The following TENM3 variants were observed in gnomAD, a reference collection of about 807,000 sequenced individuals.
TENM3 encodes teneurin-3.
Under a neutral mutation model 255.1 loss-of-function variants are expected in TENM3, and 63 were observed. The observed-to-expected ratio is 0.25, with a 90% CI of 0.20 to 0.30. TENM3 has a LOEUF of 0.30. TENM3 is among the 10% of genes least tolerant of loss of function. The pLI is 1.00. For missense variants in TENM3, 2,929 were observed against 3,461.1 expected, an observed-to-expected ratio of 0.85 and a Z score of 3.86; for synonymous variants, 1,306 against 1,322.3, an observed-to-expected ratio of 0.99 and a Z score of 0.27.
At chr4:181,934,006 C>T in the TENM3 span, among the ~76,000 whole-genome samples, 1 of 151,682 alleles carries the variant, frequency 6.6e-6, no homozygotes, top group Admixed American at 6.6e-5. Context: ...TTTCTAGAAA[C>T]AGTTTGATTA....
At chr4:181,591,231 T>C in the TENM3 span, among the ~76,000 whole-genome samples, 5 of 152,338 alleles carry the variant, frequency 3.3e-5, no homozygotes, top group African/African-American at 1.2e-4. Flanking sequence ...TACCAAGTGT[T>C]GGCAAGAATG....
chr4:181,948,917 G>A, the TENM3 span, among the ~76,000 whole-genome samples: 46 of 152,112 alleles, frequency 3.0e-4, no homozygotes, highest in African/African-American at 1.1e-3. Context: ...ATGCAGTAGG[G>A]GAGTGCTAGT....
At chr4:182,720,842 A>G (rs1350312534) in intron 13 of TENM3, among the ~76,000 whole-genome samples, 1 of 145,292 alleles carries the variant, frequency 6.9e-6, no homozygotes, top group African/African-American at 2.5e-5. Context: ...GTCTTAGCTC[A>G]CTGCAACCTC....
the TENM3 span, among the ~76,000 whole-genome samples, chr4:182,044,643 G>T: frequency 6.6e-6 from 1 of 152,192 alleles, no homozygotes; most frequent in Admixed American, 6.5e-5. Context: ...ATGGAGAAAA[G>T]GAATATCATA....
At chr4:182,771,113 G>A (rs545328183) in intron 22 of TENM3, among the ~76,000 whole-genome samples, 47 of 152,294 alleles carry the variant, frequency 3.1e-4, no homozygotes, top group South Asian at 4.1e-4. Context: ...TCCCTGTGCC[G>A]AGGATCCTGT....
chr4:182,192,940 C>A (rs1446414050), intron 1 of TENM3, among the ~76,000 whole-genome samples: 2 of 152,190 alleles, frequency 1.3e-5, no homozygotes, highest in Non-Finnish European at 2.9e-5. Context: ...GATGAGAATT[C>A]CTGTGAAATC....
the TENM3 span, among the ~76,000 whole-genome samples, chr4:181,930,975 C>A: frequency 6.6e-6 from 1 of 152,154 alleles, no homozygotes; most frequent in Non-Finnish European, 1.5e-5. Flanking sequence ...CCTCTTCATG[C>A]TAAAAACTCT....
chr4:182,361,524 C>T (rs1374169892), intron 3 of TENM3, among the ~76,000 whole-genome samples: 1 of 152,188 alleles, frequency 6.6e-6, no homozygotes, highest in Non-Finnish European at 1.5e-5. Flanking sequence ...GCTCCTGAGG[C>T]TTCTGCATTC....
chr4:182,515,043 G>A (rs919843192), intron 3 of TENM3, among the ~76,000 whole-genome samples: 1 of 152,154 alleles, frequency 6.6e-6, no homozygotes, highest in Non-Finnish European at 1.5e-5. Flanking sequence ...TGCCAATAAT[G>A]CACAATAATT....
the TENM3 span, among the ~76,000 whole-genome samples, chr4:181,745,896 C>T: frequency 6.6e-6 from 1 of 152,200 alleles, no homozygotes; most frequent in African/African-American, 2.4e-5. Context: ...GGACATTGAG[C>T]TGTGCACATG....
chr4:182,227,335 A>G (rs755951933), intron 1 of TENM3, among the ~76,000 whole-genome samples: 5 of 152,160 alleles, frequency 3.3e-5, no homozygotes, highest in Non-Finnish European at 7.3e-5. Context: ...ACAGTCATGT[A>G]GCCATAGGGT....
At chr4:181,839,308 G>A in the TENM3 span, among the ~76,000 whole-genome samples, 2 of 138,668 alleles carry the variant, frequency 1.4e-5, no homozygotes, top group Admixed American at 7.4e-5. Flanking sequence ...TCTTCTCTCT[G>A]TCTGTATGGG....
intron 1 of TENM3, among the ~76,000 whole-genome samples, chr4:182,312,767 A>G (rs1484683661): frequency 6.6e-6 from 1 of 152,220 alleles, no homozygotes; most frequent in Non-Finnish European, 1.5e-5. Context: ...CCAGGCAGGC[A>G]GACAAATTGA....
the TENM3 span, among the ~76,000 whole-genome samples, chr4:181,693,616 T>C: frequency 6.6e-6 from 1 of 152,236 alleles, no homozygotes; most frequent in South Asian, 2.1e-4. Flanking sequence ...ATTTTTAAGC[T>C]CCAGCAGCTC....
At chr4:181,696,969 C>A in the TENM3 span, among the ~76,000 whole-genome samples, 1 of 152,214 alleles carries the variant, frequency 6.6e-6, no homozygotes, top group African/African-American at 2.4e-5. Context: ...CAGGAAGTTT[C>A]AGAAGCCAGA....
the TENM3 span, among the ~76,000 whole-genome samples, chr4:181,571,307 T>C: frequency 6.6e-6 from 1 of 152,150 alleles, no homozygotes; most frequent in Non-Finnish European, 1.5e-5. Context: ...ATTCATAAAA[T>C]GCTATTGATT....
the TENM3 span, among the ~76,000 whole-genome samples, chr4:181,627,564 C>T: frequency 6.6e-6 from 1 of 152,116 alleles, no homozygotes; most frequent in Admixed American, 6.5e-5. Flanking sequence ...CAATTCCCAC[C>T]TATGAGTGAG....
At chr4:181,866,825 A>G in the TENM3 span, among the ~76,000 whole-genome samples, 1 of 151,288 alleles carries the variant, frequency 6.6e-6, no homozygotes, top group Non-Finnish European at 1.5e-5. Flanking sequence ...GTCTTCAGAG[A>G]CTCCTTCCTC....
chr4:181,949,026 G>C, the TENM3 span, among the ~76,000 whole-genome samples: 1 of 152,042 alleles, frequency 6.6e-6, no homozygotes. Flanking sequence ...AGTACAAAGG[G>C]GAGGCTAGAC....
Sources: gnomAD v4.1 joint callset for allele counts (sites outside exome capture counted in the v4.1 genomes callset) on GRCh38, gnomAD v4.1.1 for gene constraint, MANE v1.5 for transcripts, NCBI Gene and HGNC (gene_info 2026-07-23, HGNC 2026-07-21) for gene names.